The following PTPRB variants were observed in gnomAD, a reference collection of about 807,000 sequenced individuals.
The protein encoded by PTPRB is receptor-type tyrosine-protein phosphatase beta.
In PTPRB, 97 loss-of-function variants were observed where a neutral mutation model predicts 238.1. The ratio of observed to expected loss-of-function variants is 0.41; its 90% confidence interval spans 0.35 to 0.48. The LOEUF (loss-of-function observed/expected upper bound fraction) is 0.48. Among genes scored for constraint, PTPRB ranks in the 20% least tolerant of loss-of-function variants. The pLI is 0.30. For missense variants in PTPRB, 2,292 were observed against 2,681.9 expected (o/e 0.85, Z 3.21); for synonymous variants, 970 against 995.4 (o/e 0.97, Z 0.48).
chr12:70,556,009 G>A lies in PTPRB; in HGVS notation c.4854C>T (p.Ser1618=). Residue 1618 remains serine (S), a synonymous_variant, in exon 19 of 34, where the codon TCC becomes TCT. Transcript: ENST00000334414. ...GAGATTTTTCTTTCTCCAGCTTTCT[G>A]GAAAACTCAACTTCTTGGGTGTCCA... ...RKMDTQEVEF[S]RKLEKEKSLL... is the part of the protein sequence containing the mutation. 1 of 1,613,928 alleles carries A rather than the reference G, an allele frequency of 6.2e-7. No individual in the cohort carries two copies. Among genetic ancestry groups the A allele is most frequent in the Middle Eastern group, 1.6e-4 (1 of 6,062 alleles).
chr12:70,522,232 T>G (rs1206708102), intron 33 of PTPRB, among the ~76,000 whole-genome samples: 1 of 152,144 alleles, frequency 6.6e-6, no homozygotes, highest in Non-Finnish European at 1.5e-5. Context: ...TGAAATAATG[T>G]TTGTCAAAGA....
At chr12:70,636,784 A>G (rs1307865375) in intron 1 of PTPRB, among the ~76,000 whole-genome samples, 1 of 152,192 alleles carries the variant, frequency 6.6e-6, no homozygotes, top group Non-Finnish European at 1.5e-5. Context: ...TGCCAGTGTA[A>G]GAAAATTAAA....
At chr12:70,635,269 G>A (rs946211069) in intron 2 of PTPRB, among the ~76,000 whole-genome samples, 3 of 152,166 alleles carry the variant, frequency 2.0e-5, no homozygotes, top group African/African-American at 7.2e-5. Flanking sequence ...AAATAGAAGT[G>A]TCTGTCAATA....
chr12:70,596,340 T>TAC lies in PTPRB; in HGVS notation c.980-15_980-14dup, dbSNP rs1555234328. ...GGAGGTAAAGGATCTGCAAGGCAAA[T>TAC]ACACACACACACACAAAAAAAAAAA... On this transcript the variant is annotated splice_polypyrimidine_tract_variant and intron_variant, in intron 4 of 33. Coordinates refer to ENST00000334414, the MANE Select transcript of PTPRB (RefSeq NM_001109754.4). The TAC allele has an allele frequency of 0.056, 70,196 of 1,250,518 alleles. 1,128 individuals carry two copies. Among genetic ancestry groups the TAC allele is most frequent in the East Asian group, 0.22 (7,582 of 34,052 alleles). The allele number at this position is 1,250,518 out of a possible 1,614,324, so 77.5% of individuals were successfully genotyped here.
In PTPRB at chr12:70,538,302, C is replaced by A. The variant is rs1874497672; in HGVS notation, c.5870-71G>T. 2.3e-6 allele frequency: 3 copies of A among 1,317,476 alleles called. No homozygotes were observed. In the East Asian group the frequency reaches 7.0e-5, roughly 31 times the overall value. The allele number at this position is 1,317,476 out of a possible 1,614,324, so 81.6% of individuals were successfully genotyped here. A position where few individuals can be genotyped will look rare whatever the true frequency, so the allele number is the denominator to read the frequency against. On this transcript the variant is annotated intron_variant, in intron 27 of 33. Coordinates refer to ENST00000334414, the MANE Select transcript of PTPRB (RefSeq NM_001109754.4). ...AGTTTATGTGATGTGTGTGATGTGC[C>A]TTAGCTCTGATCCCCACAACAGCCA...
intron 2 of PTPRB, among the ~76,000 whole-genome samples, chr12:70,633,286 T>G (rs1885534906): frequency 6.6e-6 from 1 of 152,082 alleles, no homozygotes; most frequent in Non-Finnish European, 1.5e-5. Context: ...TCTTAAACTT[T>G]TATCAGGGCT....
At chr12:70,605,489 C>T (rs1344847468) in intron 4 of PTPRB, among the ~76,000 whole-genome samples, 1 of 152,148 alleles carries the variant, frequency 6.6e-6, no homozygotes, top group Non-Finnish European at 1.5e-5. Flanking sequence ...GTACTGAAAA[C>T]CTACTTCTTA....
chr12:70,608,981 C>A, intron 4 of PTPRB, 88 bp downstream of exon 4: 2 of 1,460,498 alleles, frequency 1.4e-6, no homozygotes, highest in Non-Finnish European at 1.9e-6. Flanking sequence ...TTTTTTGTAT[C>A]CCTGGAACTC....
In PTPRB at chr12:70,525,638, G is replaced by A. The variant is rs561930457; in HGVS notation, c.6505-1047C>T. 1.9e-3 allele frequency among the ~76,000 whole-genome samples: 291 copies of A among 152,356 alleles called. 1 individual carries two copies. Among genetic ancestry groups the A allele is most frequent in the Middle Eastern group, 3.4e-3 (1 of 294 alleles). On this transcript the variant is annotated intron_variant, in intron 32 of 33. Coordinates refer to ENST00000334414, the MANE Select transcript of PTPRB (RefSeq NM_001109754.4). ...CCATAAAGACCTCCACTGCCACTGT[G>A]TCTCAGCCACAGGCAGCCAAGCTTG...
chr12:70,555,019 T>A (rs371303199), intron 20 of PTPRB, 141 bp downstream of exon 20: 28 of 922,110 alleles, frequency 3.0e-5, no homozygotes, highest in Admixed American at 9.0e-5. Context: ...TCTCCCTGTA[T>A]CCAGCAGAGA....
intron 33 of PTPRB, chr12:70,522,708 AAAAT>A (rs1199324126): frequency 7.8e-6 from 1 of 128,538 alleles, no homozygotes; most frequent in Non-Finnish European, 1.6e-5. Flanking sequence ...AAAATACAAA[AAAAT>A]AGAAGGAAAA....
intron 21 of PTPRB, among the ~76,000 whole-genome samples, chr12:70,547,798 C>T (rs1308809297): frequency 3.9e-5 from 6 of 152,042 alleles, no homozygotes; most frequent in African/African-American, 9.7e-5. Flanking sequence ...TGAGCCATCG[C>T]GCCCAGCCAT....
At chr12:70,572,311 G>A (rs142471213) in intron 11 of PTPRB, among the ~76,000 whole-genome samples, 255 of 152,258 alleles carry the variant, frequency 1.7e-3, no homozygotes, top group African/African-American at 5.5e-3. Flanking sequence ...CTCATTCTAA[G>A]CCTGCTGTTT....
intron 33 of PTPRB, among the ~76,000 whole-genome samples, chr12:70,523,958 G>A (rs990290834): frequency 4.0e-5 from 6 of 151,698 alleles, no homozygotes; most frequent in African/African-American, 4.8e-5. Context: ...GATTACAGGC[G>A]TGAGCCACCA....
chr12:70,589,706 A>T (rs1005449433), intron 8 of PTPRB, among the ~76,000 whole-genome samples: 1 of 152,164 alleles, frequency 6.6e-6, no homozygotes, highest in African/African-American at 2.4e-5. Context: ...TTGTTTTCAG[A>T]ATGTATGCAT....
intron 11 of PTPRB, among the ~76,000 whole-genome samples, chr12:70,572,776 A>T (rs7133596): frequency 5.0e-5 from 3 of 60,176 alleles, no homozygotes; most frequent in Admixed American, 3.9e-4. Flanking sequence ...TCCATCTCAT[A>T]AAAAAAAAAA....
Position 70,623,228 on chromosome 12 carries a change from T to C in PTPRB, c.452-582A>G, listed in dbSNP as rs1389417524. ...ATCCAACTGTATGAGTTACAAATGA[T>C]GAGACTGTTGTATTTTCTAAGCTAT... On this transcript the variant is annotated intron_variant, in intron 2 of 33. Transcript: ENST00000334414. Among the ~76,000 whole-genome samples, 5 of 152,312 alleles carry C rather than the reference T, an allele frequency of 3.3e-5. No individual in the cohort carries two copies. The East Asian group carries it at 7.7e-4, about 23-fold the overall frequency.
intron 2 of PTPRB, among the ~76,000 whole-genome samples, chr12:70,627,263 A>T (rs1249766885): frequency 6.6e-6 from 1 of 152,084 alleles, no homozygotes; most frequent in Non-Finnish European, 1.5e-5. Context: ...AGGCTATAGG[A>T]GAGAGGTGTT....
intron 21 of PTPRB, among the ~76,000 whole-genome samples, chr12:70,551,265 T>C (rs1341680989): frequency 1.3e-5 from 2 of 152,234 alleles, no homozygotes; most frequent in Non-Finnish European, 2.9e-5. Flanking sequence ...CCCTTGTTCT[T>C]CTGAAATCTT....
Sources: allele counts gnomAD v4.1 joint callset (sites outside exome capture counted in the v4.1 genomes callset), GRCh38; gene constraint gnomAD v4.1.1; transcripts MANE v1.5; gene names NCBI Gene and HGNC (gene_info 2026-07-23, HGNC 2026-07-21).